GRIK1: variants seen among roughly 807,000 people sequenced by gnomAD.
GRIK1 encodes glutamate receptor ionotropic, kainate 1.
Under a neutral mutation model 105.7 loss-of-function variants are expected in GRIK1, and 69 were observed. The observed-to-expected ratio is 0.65, with a 90% confidence interval of 0.54 to 0.80. GRIK1 has a LOEUF of 0.80. GRIK1 is among the 30% of genes least tolerant of loss of function. The probability of loss-of-function intolerance (pLI) is 0.00; values close to 1 mark genes in which losing one functional copy is unlikely to be tolerated. For missense variants in GRIK1, 1,109 were observed against 1,167.3 expected (o/e 0.95, Z 0.73); for synonymous variants, 438 against 431.3 (o/e 1.02, Z -0.19).
chr21:29,742,806 AATAGCT>A (rs1286098745), intron 1 of GRIK1, among the ~76,000 whole-genome samples: 4 of 152,190 alleles, frequency 2.6e-5, no homozygotes, highest in Non-Finnish European at 4.4e-5. Flanking sequence ...CATTTTTCCA[AATAGCT>A]ATCCAGTTTC....
intron 1 of GRIK1, among the ~76,000 whole-genome samples, chr21:29,904,465 A>G (rs1602002016): frequency 1.3e-5 from 2 of 152,258 alleles, no homozygotes. Flanking sequence ...TTCTTAGCTT[A>G]ACACAATCCA....
At chr21:29,858,871 C>A (rs879668253) in intron 1 of GRIK1, among the ~76,000 whole-genome samples, 34 of 151,548 alleles carry the variant, frequency 2.2e-4, no homozygotes, top group Non-Finnish European at 3.8e-4. Context: ...TGCACACCTC[C>A]CCACAGGATC....
At chr21:29,935,332 C>A (rs555613299) in intron 1 of GRIK1, among the ~76,000 whole-genome samples, 1 of 152,160 alleles carries the variant, frequency 6.6e-6, no homozygotes, top group Non-Finnish European at 1.5e-5. Flanking sequence ...CCTCAAGGGG[C>A]AGATGCTGTC....
chr21:29,855,290 G>A (rs2068430303), intron 1 of GRIK1, among the ~76,000 whole-genome samples: 1 of 152,100 alleles, frequency 6.6e-6, no homozygotes. Context: ...GAATAATATT[G>A]GTTACATATA....
At chr21:29,689,662 T>C (rs1350776898) in intron 3 of GRIK1, 66 bp downstream of exon 3, 2 of 1,426,778 alleles carry the variant, frequency 1.4e-6, no homozygotes, top group East Asian at 4.6e-5. Context: ...TAATGACTAT[T>C]TGATACTTTC....
intron 1 of GRIK1, among the ~76,000 whole-genome samples, chr21:29,755,138 A>G (rs2065303401): frequency 6.6e-6 from 1 of 152,236 alleles, no homozygotes; most frequent in Non-Finnish European, 1.5e-5. Flanking sequence ...TGATGGATAA[A>G]AACAAATATT....
chr21:29,713,466 A>G (rs371900165), intron 1 of GRIK1, among the ~76,000 whole-genome samples: 3 of 152,278 alleles, frequency 2.0e-5, no homozygotes, highest in East Asian at 3.9e-4. Context: ...ATTATTTTCC[A>G]CAGATTTAAA....
At chr21:29,556,123 G>T (rs76500928) in intron 15 of GRIK1, among the ~76,000 whole-genome samples, 222 of 152,254 alleles carry the variant, frequency 1.5e-3, no homozygotes, top group African/African-American at 5.2e-3. Context: ...ACATTTTGAC[G>T]TATAGAACCT....
intron 16 of GRIK1, among the ~76,000 whole-genome samples, chr21:29,538,710 C>G (rs1351257005): frequency 6.6e-6 from 1 of 152,078 alleles, no homozygotes; most frequent in Non-Finnish European, 1.5e-5. Context: ...GGTAATGTGT[C>G]TAAGTTGTAA....
intron 15 of GRIK1, among the ~76,000 whole-genome samples, chr21:29,561,103 G>T: frequency 6.6e-6 from 1 of 152,102 alleles, no homozygotes; most frequent in South Asian, 2.1e-4. Context: ...TACATAGTTG[G>T]CATTGATTGA....
chr21:29,648,948 G>C (rs561226017), intron 6 of GRIK1, among the ~76,000 whole-genome samples: 3 of 152,186 alleles, frequency 2.0e-5, no homozygotes, highest in African/African-American at 7.2e-5. Context: ...TATCTTTAAC[G>C]TAGAGAAGAA....
intron 1 of GRIK1, among the ~76,000 whole-genome samples, chr21:29,840,255 C>T (rs1234462321): frequency 6.6e-6 from 1 of 152,030 alleles, no homozygotes. Context: ...ATATGCCTCA[C>T]CAGCAATACA....
At position 29,537,325 on chromosome 21, in the gene GRIK1, T is replaced by C; in HGVS notation, c.2755A>G (p.Ile919Val). 6.2e-7 allele frequency: 1 copy of C among 1,611,068 alleles called. No homozygotes were observed. The highest frequency in any genetic ancestry group is 1.1e-5 in the South Asian group (1 of 90,910). The change falls in exon 18 of 18, where the codon ATA becomes GTA. Residue 919 changes from isoleucine (I) to valine (V), a missense_variant. By Grantham distance (29) the Ile-to-Val change is conservative (BLOSUM62 3). Transcript: ENST00000327783. Reference protein sequence around the residue: ...LGISLKNQKKIKKKSRTKGKS... With the variant: ...LGISLKNQKKVKKKSRTKGKS... ...CCCTTAGTTCTTGACTTTTTCTTTA[T>C]TTTTTTCTGATTCTTCAGTGAGATT...
chr21:29,697,920 C>T (rs557347089), intron 1 of GRIK1, among the ~76,000 whole-genome samples: 3 of 134,300 alleles, frequency 2.2e-5, no homozygotes, highest in East Asian at 2.2e-4. Flanking sequence ...CTTTCTTTCT[C>T]TCTCTCTCTC....
chr21:29,901,542 T>C (rs921836117), intron 1 of GRIK1, among the ~76,000 whole-genome samples: 3 of 151,460 alleles, frequency 2.0e-5, no homozygotes, highest in Non-Finnish European at 2.9e-5. Flanking sequence ...CCAGAAAATC[T>C]AGAAGAAGTG....
At chr21:29,591,490 G>GA (rs1269249447) in intron 9 of GRIK1, among the ~76,000 whole-genome samples, 2 of 152,076 alleles carry the variant, frequency 1.3e-5, no homozygotes, top group Non-Finnish European at 2.9e-5. Context: ...TTTTATAAAT[G>GA]AAAAAATATA....
chr21:29,656,713 G>A (rs1313545479), intron 4 of GRIK1, among the ~76,000 whole-genome samples: 3 of 152,184 alleles, frequency 2.0e-5, no homozygotes, highest in Non-Finnish European at 4.4e-5. Context: ...TCTGGAAGGT[G>A]CCTAAGATAT....
At chr21:29,589,279 G>T (rs1185614772) in intron 10 of GRIK1, among the ~76,000 whole-genome samples, 1 of 152,116 alleles carries the variant, frequency 6.6e-6, no homozygotes, top group Non-Finnish European at 1.5e-5. Flanking sequence ...GGAGGGTGGG[G>T]CTGTGCGGGA....
At chr21:29,658,296 C>T (rs941747385) in intron 4 of GRIK1, among the ~76,000 whole-genome samples, 1 of 152,080 alleles carries the variant, frequency 6.6e-6, no homozygotes, top group Non-Finnish European at 1.5e-5. Flanking sequence ...GAGTCTCATT[C>T]TGTCGCCCCA....
Sources: allele counts gnomAD v4.1 joint callset (sites outside exome capture counted in the v4.1 genomes callset), GRCh38; gene constraint gnomAD v4.1.1; transcripts MANE v1.5; gene names NCBI Gene and HGNC (gene_info 2026-07-23, HGNC 2026-07-21).